SIRT1: variants seen among roughly 807,000 people sequenced by gnomAD.
The protein encoded by SIRT1 is sirtuin 1.
A neutral mutation model predicts 67.9 loss-of-function variants in SIRT1; 24 were observed. The observed-to-expected ratio is 0.35, with a 90% CI of 0.26 to 0.50. The LOEUF is 0.50. SIRT1 is among the 20% of genes least tolerant of loss of function. SIRT1 has a pLI of 0.98. For missense variants in SIRT1, 873 were observed against 937.2 expected, an observed-to-expected ratio of 0.93 and a Z score of 0.89; for synonymous variants, 378 against 350.7, an observed-to-expected ratio of 1.08 and a Z score of -0.87.
intron 7 of SIRT1, 142 bp from the exon 8 acceptor site, chr10:67,912,332 G>T: frequency 3.0e-6 from 2 of 668,698 alleles, no homozygotes; most frequent in Non-Finnish European, 2.5e-6. Flanking sequence ...GTAATGGCTT[G>T]GTTAAGTATT....
Position 67,888,950 on chromosome 10 carries a change from T to G in SIRT1, c.616T>G (p.Leu206Val). ...TDPRTILKDLLPETIPPPELD... is the reference protein window; with the variant it reads ...TDPRTILKDLVPETIPPPELD... ...TCCTCGAACAATTCTTAAAGATTTA[T>G]TGCCGGAAACAATACCTCCACCTGA... Residue 206 changes from leucine (L) to valine (V), a missense_variant, in exon 3 of 9, where the codon TTG becomes GTG. Coordinates refer to ENST00000212015, the MANE Select transcript of SIRT1 (RefSeq NM_012238.5). The G allele has an allele frequency of 6.2e-7, 1 of 1,613,960 alleles. No homozygotes were observed. The highest frequency in any genetic ancestry group is 8.5e-7 in the Non-Finnish European group (1 of 1,179,920).
intron 7 of SIRT1, 111 bp from the exon 8 acceptor site, chr10:67,912,363 G>T: frequency 1.0e-6 from 1 of 958,468 alleles, no homozygotes; most frequent in Non-Finnish European, 1.5e-6. Context: ...GTCTTTTTTG[G>T]GAATTTGGAG....
At chr10:67,911,804 C>T (rs1842904605) in intron 7 of SIRT1, among the ~76,000 whole-genome samples, 1 of 129,152 alleles carries the variant, frequency 7.7e-6, no homozygotes, top group African/African-American at 3.7e-5. Context: ...CCTATCCTCC[C>T]TCCCTCCCTC....
In SIRT1 at chr10:67,887,547, C is replaced by T. The variant is rs201553067; in HGVS notation, c.547+14C>T. On this transcript the variant is annotated intron_variant, in intron 2 of 8. Coordinates refer to ENST00000212015, the MANE Select transcript of SIRT1 (RefSeq NM_012238.5). Reference sequence around the variant, plus strand: ...GGCCACGGATAGGTATGGCTCAGAGCTGTTAATTTTAGAGAGTAAATGTAC... The same window carrying T: ...GGCCACGGATAGGTATGGCTCAGAGTTGTTAATTTTAGAGAGTAAATGTAC... 2 of 1,524,638 alleles carry T rather than the reference C, an allele frequency of 1.3e-6. No homozygotes were observed. The highest frequency in any genetic ancestry group is 9.1e-7 in the Non-Finnish European group (1 of 1,103,038). 94.4% of individuals were successfully genotyped at this position (1,524,638 alleles called of 1,614,324 possible). A position where few individuals can be genotyped will look rare whatever the true frequency, so the allele number is the denominator to read the frequency against.
Position 67,902,761 on chromosome 10 carries a change from G to T in SIRT1, c.943-4029G>T, listed in dbSNP as rs78510186. On this transcript the variant is annotated intron_variant, in intron 4 of 8. Coordinates refer to ENST00000212015, the MANE Select transcript of SIRT1 (RefSeq NM_012238.5). ...TGGATATCAGCAAAGATTAACATCA[G>T]TAAATTTTGATGAATTCTCTAAAAA... Among the ~76,000 whole-genome samples, 163 of 152,282 alleles carry T rather than the reference G, an allele frequency of 1.1e-3. 4 individuals carry two copies. The East Asian group carries it at 0.027, about 25-fold the overall frequency.
At chr10:67,907,215 C>T (rs1842832773) in intron 5 of SIRT1, among the ~76,000 whole-genome samples, 1 of 152,154 alleles carries the variant, frequency 6.6e-6, no homozygotes, top group African/African-American at 2.4e-5. Context: ...TCTTTTCTGG[C>T]TGAGTGCAGT....
rs552302380 is a variant in SIRT1 at position 67,901,523 on chromosome 10, C to T, written c.943-5267C>T. 3.3e-5 allele frequency among the ~76,000 whole-genome samples: 5 copies of T among 152,298 alleles called. No individual in the cohort carries two copies. The South Asian group carries it at 1.0e-3, about 32-fold the overall frequency. ...GGCCTGGTAGTAAATATGTAGTATG[C>T]TTTGCAGACTGCATAGGGTCTCTGT... On this transcript the variant is annotated intron_variant, in intron 4 of 8. Coordinates refer to ENST00000212015, the MANE Select transcript of SIRT1 (RefSeq NM_012238.5).
intron 1 of SIRT1, among the ~76,000 whole-genome samples, chr10:67,885,602 T>G (rs1842465635): frequency 4.3e-5 from 1 of 23,290 alleles, no homozygotes; most frequent in African/African-American, 1.9e-4. Flanking sequence ...TTTGCAAACT[T>G]GACACCTGTG....
At chr10:67,895,730 C>CTTTTTTTTTTTTTTTTTTTTTTTTTTTTT in intron 4 of SIRT1, among the ~76,000 whole-genome samples, 1 of 94,046 alleles carries the variant, frequency 1.1e-5, no homozygotes, top group African/African-American at 3.9e-5. Context: ...TGAGAATTAA[C>CTTTTTTTTTTTTTTTTTTTTTTTTTTTTT]TTGTTTTTTT....
intron 5 of SIRT1, 92 bp from the exon 6 acceptor site, chr10:67,907,954 C>A: frequency 9.3e-7 from 1 of 1,079,884 alleles, no homozygotes; most frequent in Non-Finnish European, 1.4e-6. Context: ...ACCCTCTTAA[C>A]ATTTGTGATG....
chr10:67,893,499 A>T (rs1328059672), intron 4 of SIRT1, among the ~76,000 whole-genome samples: 1 of 151,068 alleles, frequency 6.6e-6, no homozygotes. Flanking sequence ...AGAAGTTGTG[A>T]ATAGGGACTT....
rs1171276858 is a variant in SIRT1 at position 67,916,391 on chromosome 10, A to C, written c.2042A>C (p.Gln681Pro). 4 of 1,614,110 alleles carry C rather than the reference A, an allele frequency of 2.5e-6. No individual in the cohort carries two copies. The change falls in exon 9 of 9, where the codon CAG becomes CCG. Residue 681 changes from glutamine (Q) to proline (P), a missense_variant. Around this residue, in one of 3 missense-constraint regions of SIRT1, gnomAD observed 295 missense variants for 294.5 expected, o/e 1.00. Transcript: ENST00000212015. ...AGTAACAGTGATAGTGGGACATGCCAGAGTCCAAGTTTAGAAGAACCCATG... is the reference window on the plus strand; with the variant it reads ...AGTAACAGTGATAGTGGGACATGCCCGAGTCCAAGTTTAGAAGAACCCATG... The part of the protein sequence containing the change: ...CGSNSDSGTC[Q>P]SPSLEEPMED...
In SIRT1 at chr10:67,916,690, A is replaced by G. The variant is rs909517775; in HGVS notation, c.*97A>G. On this transcript the variant is annotated 3_prime_UTR_variant, in exon 9 of 9. Transcript: ENST00000212015. ...ACTTGTGAACTCGATAGAGCAAGGA[A>G]ACCAGAAAGGTGTAATATTTATAGG... The G allele has an allele frequency of 2.1e-6, 2 of 939,416 alleles. No individual in the cohort carries two copies. The highest frequency in any genetic ancestry group is 1.6e-6 in the Non-Finnish European group (1 of 643,756). 58.2% of individuals were successfully genotyped at this position (939,416 alleles called of 1,614,324 possible). A position where few individuals can be genotyped will look rare whatever the true frequency, so the allele number is the denominator to read the frequency against.
At chr10:67,898,634 G>T (rs748065599) in intron 4 of SIRT1, among the ~76,000 whole-genome samples, 1 of 152,082 alleles carries the variant, frequency 6.6e-6, no homozygotes, top group African/African-American at 2.4e-5. Flanking sequence ...ATATCTATAC[G>T]TTTATAGTAT....
In SIRT1 at chr10:67,916,727, G is replaced by T; in HGVS notation, c.*134G>T. 2 of 586,114 alleles carry T rather than the reference G, an allele frequency of 3.4e-6. No homozygotes were observed. The allele number at this position is 586,114 out of a possible 1,614,324, so 36.3% of individuals were successfully genotyped here. A position where few individuals can be genotyped will look rare whatever the true frequency, so the allele number is the denominator to read the frequency against. ...GTAATATTTATAGGTTGGTAAAATA[G>T]ATTGTTTTTCATGGATAATTTTTAA... is the stretch of plus-strand genomic sequence containing the variant. On this transcript the variant is annotated 3_prime_UTR_variant, in exon 9 of 9. Coordinates refer to ENST00000212015, the MANE Select transcript of SIRT1 (RefSeq NM_012238.5).
At chr10:67,906,556 C>T in intron 4 of SIRT1, among the ~76,000 whole-genome samples, 1 of 152,042 alleles carries the variant, frequency 6.6e-6, no homozygotes, top group East Asian at 1.9e-4. Context: ...TGTTTATGGG[C>T]CGACTTTGTC....
At chr10:67,904,572 G>A (rs1257782382) in intron 4 of SIRT1, among the ~76,000 whole-genome samples, 1 of 152,144 alleles carries the variant, frequency 6.6e-6, no homozygotes, top group East Asian at 1.9e-4. Flanking sequence ...TTGGCCGGGT[G>A]CAGTGGCTCA....
Position 67,889,069 on chromosome 10 carries a change from T to A in SIRT1, c.735T>A (p.Asp245Glu), listed in dbSNP as rs201479376. 138 of 1,609,506 alleles carry A rather than the reference T, an allele frequency of 8.6e-5. 3 individuals are homozygous for A. The South Asian group carries it at 1.4e-3, about 16-fold the overall frequency. The change falls in exon 3 of 9, where the codon GAT (aspartate) becomes GAA (glutamate). Residue 245 changes from aspartate (D) to glutamate (E), a missense_variant. Transcript: ENST00000212015. The part of the protein sequence containing the change: ...KKRKDINTIE[D>E]AVKLLQECKK... ...GAAAAGATATTAATACAATTGAAGA[T>A]GCTGTGAAATTACTGCAAGAGTGCA...
Position 67,908,147 on chromosome 10 carries a change from A to C in SIRT1, c.1170+22A>C, listed in dbSNP as rs781397436. The C allele has an allele frequency of 1.9e-6, 3 of 1,598,320 alleles. No homozygotes were observed. In the East Asian group the frequency reaches 6.7e-5, roughly 36 times the overall value. On this transcript the variant is annotated intron_variant, in intron 6 of 8. Coordinates refer to ENST00000212015, the MANE Select transcript of SIRT1 (RefSeq NM_012238.5). ...TCAGGTAATTTGTTGCCCATATTTT[A>C]GGAATTGTTCATGTCTCTGAAGTAT... is the stretch of plus-strand genomic sequence containing the variant.
Sources: allele counts gnomAD v4.1 joint callset (sites outside exome capture counted in the v4.1 genomes callset), GRCh38; gene constraint gnomAD v4.1.1; regional missense constraint gnomAD v4.1.1; transcripts MANE v1.5; gene names NCBI Gene and HGNC (gene_info 2026-07-23, HGNC 2026-07-21).